TUSC3: variants seen among roughly 807,000 people sequenced by gnomAD.
TUSC3 encodes tumor suppressor candidate 3, also known as dolichyl-diphosphooligosaccharide--protein glycosyltransferase subunit TUSC3.
A neutral mutation model predicts 44.8 loss-of-function variants in TUSC3; 45 were observed. The ratio of observed to expected loss-of-function variants is 1.00; its 90% CI spans 0.79 to 1.29. The LOEUF is 1.29. TUSC3 is among the 50% of genes most tolerant of loss of function. The pLI, the probability that TUSC3 is intolerant of heterozygous loss-of-function variation, is 0.00. For synonymous variants in TUSC3, 212 were observed against 152.9 expected (o/e 1.39, Z -2.85); for missense variants, 519 against 437.9 (o/e 1.19, Z -1.65).
At chr8:15,740,652 T>A (rs1252346150) in intron 7 of TUSC3, among the ~76,000 whole-genome samples, 1 of 152,122 alleles carries the variant, frequency 6.6e-6, no homozygotes, top group East Asian at 1.9e-4. Context: ...AATCAATAAT[T>A]GGGTAGTATT....
At chr8:15,821,799 C>G in the TUSC3 span, among the ~76,000 whole-genome samples, 1 of 112,418 alleles carries the variant, frequency 8.9e-6, no homozygotes, top group Non-Finnish European at 1.9e-5. Context: ...GTGTTTTGTT[C>G]ACAAATTTTT....
At position 15,727,259 on chromosome 8, in the gene TUSC3, C is replaced by T. The variant is rs1220035947; in HGVS notation, c.799-3407C>T. ...GGCCCCATAAATGAAAGCTAACTAT[C>T]TAAGGTCAATCCTTAAGACTTTTGC... On this transcript the variant is annotated intron_variant, in intron 6 of 10. Transcript: ENST00000503731. 2.0e-5 allele frequency among the ~76,000 whole-genome samples: 3 copies of T among 152,102 alleles called. 1 individual carries two copies. The highest frequency in any genetic ancestry group is 2.0e-4 in the Admixed American group (3 of 15,268).
chr8:15,747,307 A>G (rs1369608420), intron 8 of TUSC3, among the ~76,000 whole-genome samples: 1 of 151,986 alleles, frequency 6.6e-6, no homozygotes, highest in Non-Finnish European at 1.5e-5. Context: ...TATTTTACAA[A>G]TAACTTCAAA....
chr8:15,578,635 T>G (rs1803204975), intron 1 of TUSC3, among the ~76,000 whole-genome samples: 1 of 150,918 alleles, frequency 6.6e-6, no homozygotes, highest in Non-Finnish European at 1.5e-5. Context: ...TTGCGTATAT[T>G]GAACCAGCCT....
intron 1 of TUSC3, among the ~76,000 whole-genome samples, chr8:15,477,728 AAAT>A (rs942191272): frequency 1.2e-4 from 19 of 152,220 alleles, no homozygotes; most frequent in South Asian, 8.3e-4. Flanking sequence ...CTCAAAAAAC[AAAT>A]AATAATAATT....
upstream of TUSC3, among the ~76,000 whole-genome samples, chr8:15,538,980 G>T (rs1801580287): frequency 1.3e-5 from 2 of 151,480 alleles, no homozygotes; most frequent in Non-Finnish European, 2.9e-5. Context: ...TCTTGGAATA[G>T]CTAGGACTAC....
At chr8:15,534,993 G>A (rs1310257090) in intron 2 of TUSC3, among the ~76,000 whole-genome samples, 1 of 152,144 alleles carries the variant, frequency 6.6e-6, no homozygotes, top group Non-Finnish European at 1.5e-5. Context: ...TGTCTATTAA[G>A]CTAGGTTACA....
the TUSC3 span, among the ~76,000 whole-genome samples, chr8:15,820,931 A>G: frequency 5.3e-5 from 8 of 152,274 alleles, no homozygotes; most frequent in Admixed American, 5.2e-4. Flanking sequence ...AGTATAATAT[A>G]AAGAGGTAAA....
chr8:15,582,494 A>C (rs1025218473), intron 1 of TUSC3, among the ~76,000 whole-genome samples: 2 of 152,256 alleles, frequency 1.3e-5, no homozygotes, highest in Non-Finnish European at 2.9e-5. Flanking sequence ...ATAAGTTTCT[A>C]AAAATTTATG....
At position 15,549,985 on chromosome 8, in the gene TUSC3, C is replaced by A. The variant is rs180969838; in HGVS notation, c.138+9417C>A. ...AATTCCTGTCACCTTTAAGGGCTTA[C>A]AACTCTAAGGGGATCCATGTGAGAG... On this transcript the variant is annotated intron_variant, in intron 1 of 10. Coordinates refer to ENST00000503731, the MANE Select transcript of TUSC3 (RefSeq NM_006765.4). Among the ~76,000 whole-genome samples the A allele has an allele frequency of 3.5e-3, 532 of 151,806 alleles. 7 individuals are homozygous for A. The highest frequency in any genetic ancestry group is 0.012 in the African/African-American group (511 of 41,490).
At chr8:15,819,289 C>T in the TUSC3 span, among the ~76,000 whole-genome samples, 1 of 152,090 alleles carries the variant, frequency 6.6e-6, no homozygotes, top group Non-Finnish European at 1.5e-5. Context: ...ATATTTGTTA[C>T]TTCTTGTTCT....
At chr8:15,692,369 C>CTTT (rs1563175827) in intron 6 of TUSC3, among the ~76,000 whole-genome samples, 1 of 52,580 alleles carries the variant, frequency 1.9e-5, no homozygotes, top group African/African-American at 8.0e-5. Context: ...CCCCCCCCCC[C>CTTT]CCTTTGTTTT....
intron 6 of TUSC3, among the ~76,000 whole-genome samples, chr8:15,718,408 A>C (rs1263016420): frequency 6.6e-6 from 1 of 152,154 alleles, no homozygotes; most frequent in African/African-American, 2.4e-5. Flanking sequence ...ATTTGTTTGC[A>C]TGGAGAATAT....
At chr8:15,592,206 A>G (rs1296013597) in intron 1 of TUSC3, among the ~76,000 whole-genome samples, 1 of 152,240 alleles carries the variant, frequency 6.6e-6, no homozygotes, top group Non-Finnish European at 1.5e-5. Context: ...AGGTTTTGAA[A>G]AGAAGTCAGA....
chr8:15,520,864 C>T (rs1230430027), intron 2 of TUSC3, among the ~76,000 whole-genome samples: 11 of 152,186 alleles, frequency 7.2e-5, no homozygotes, highest in Non-Finnish European at 1.6e-4. Context: ...CTTATAGTCT[C>T]AGCGGGAGAA....
chr8:15,761,014 G>A (rs1812149584), intron 10 of TUSC3, among the ~76,000 whole-genome samples: 1 of 152,044 alleles, frequency 6.6e-6, no homozygotes, highest in South Asian at 2.1e-4. Context: ...GAAATGTAAG[G>A]GCCATGACTT....
In TUSC3 at chr8:15,679,424, A is replaced by G. The variant is rs542638000; in HGVS notation, c.798+5588A>G. Reference sequence around the variant, plus strand: ...TTTCTTTTGACACGTATCAGTTCATATCCTTTGCCCACTTTTTAATGGGGT... The same window carrying G: ...TTTCTTTTGACACGTATCAGTTCATGTCCTTTGCCCACTTTTTAATGGGGT... On this transcript the variant is annotated intron_variant, in intron 6 of 10. Coordinates refer to ENST00000503731, the MANE Select transcript of TUSC3 (RefSeq NM_006765.4). Among the ~76,000 whole-genome samples, 12 of 152,154 alleles carry G rather than the reference A, an allele frequency of 7.9e-5. No homozygotes were observed. In the South Asian group the frequency reaches 2.3e-3, roughly 29 times the overall value.
Position 15,693,270 on chromosome 8 carries a change from T to C in TUSC3, c.798+19434T>C, listed in dbSNP as rs78304020. Among the ~76,000 whole-genome samples, 519 of 152,236 alleles carry C rather than the reference T, an allele frequency of 3.4e-3. 9 individuals carry two copies. In the East Asian group the frequency reaches 0.036, roughly 11 times the overall value. ...AGTGTCACTGGTGTATGTATTTAAG[T>C]ATATTTTTATAGTGGCCAGTAACAG... On this transcript the variant is annotated intron_variant, in intron 6 of 10. Transcript: ENST00000503731.
chr8:15,441,432 T>C (rs1265259351), intron 1 of TUSC3, among the ~76,000 whole-genome samples: 4 of 152,168 alleles, frequency 2.6e-5, no homozygotes, highest in African/African-American at 9.7e-5. Context: ...AAATGAGATC[T>C]GTCATTATAT....
Sources: allele counts gnomAD v4.1 joint callset (sites outside exome capture counted in the v4.1 genomes callset), GRCh38; gene constraint gnomAD v4.1.1; transcripts MANE v1.5; gene names NCBI Gene and HGNC (gene_info 2026-07-23, HGNC 2026-07-21).